EMC7: variants seen among roughly 807,000 people sequenced by gnomAD.
EMC7 encodes the protein endoplasmic reticulum membrane protein complex subunit 7.
Under a neutral mutation model 24.4 loss-of-function variants are expected in EMC7, and 4 were observed. The ratio of observed to expected loss-of-function variants is 0.16; its 90% CI spans 0.08 to 0.38. The LOEUF is 0.38. Ranked by LOEUF, EMC7 falls within the 10% of genes least tolerant of loss-of-function variation. EMC7 has a pLI of 1.00. For synonymous variants in EMC7, 106 were observed against 112.0 expected, an observed-to-expected ratio of 0.95 and a Z score of 0.34; for missense variants, 221 against 300.6, an observed-to-expected ratio of 0.74 and a Z score of 1.96.
At chr15:34,088,566 A>G (rs1050445816) in intron 3 of EMC7, among the ~76,000 whole-genome samples, 4 of 150,322 alleles carry the variant, frequency 2.7e-5, no homozygotes, top group Non-Finnish European at 4.4e-5. Context: ...TGGAAAACTG[A>G]CCTACTTTAG....
chr15:34,089,422 A>C (rs1027854054), intron 3 of EMC7, among the ~76,000 whole-genome samples: 4 of 152,344 alleles, frequency 2.6e-5, no homozygotes, highest in African/African-American at 7.2e-5. Context: ...TCATAAATGT[A>C]CATCTATTAG....
At chr15:34,101,550 G>A in intron 1 of EMC7, 54 bp downstream of exon 1, 1 of 1,570,296 alleles carries the variant, frequency 6.4e-7, no homozygotes, top group South Asian at 1.1e-5. Context: ...TCCTGGTGGG[G>A]TCCCTGTCCG....
chr15:34,090,422 C>T lies in EMC7; in HGVS notation c.390G>A (p.Glu130=). The T allele has an allele frequency of 6.2e-7, 1 of 1,613,694 alleles. No homozygotes were observed. The highest frequency in any genetic ancestry group is 8.5e-7 in the Non-Finnish European group (1 of 1,179,854). ...GGAGAGGATAGGGCAGTCTGACAAC[C>T]TCTGATGTTTTGATGTAATTCACAT... ...ARYVNYIKTS[E]VVRLPYPLQM... is the part of the protein sequence containing the mutation. Residue 130 remains glutamate (E), a synonymous_variant, in exon 3 of 5, where the codon GAG becomes GAA. Coordinates refer to ENST00000256545, the MANE Select transcript of EMC7 (RefSeq NM_020154.3).
At chr15:34,094,763 G>T (rs1037100050) in intron 2 of EMC7, among the ~76,000 whole-genome samples, 1 of 152,048 alleles carries the variant, frequency 6.6e-6, no homozygotes, top group African/African-American at 2.4e-5. Flanking sequence ...TAAAAGAAGA[G>T]AAAGAAATCA....
intron 4 of EMC7, among the ~76,000 whole-genome samples, chr15:34,084,812 C>T (rs7178266): frequency 0.66 from 100,192 of 150,942 alleles, 33,990 homozygotes; most frequent in South Asian, 0.78. Flanking sequence ...TTGTTACATA[C>T]GTACGCATGT....
rs770809700 is a variant in EMC7 at position 34,101,712 on chromosome 15, T to C, written c.128A>G (p.Asp43Gly). The C allele has an allele frequency of 1.9e-6, 3 of 1,613,066 alleles. No individual in the cohort carries two copies. The African/African-American group carries it at 4.0e-5, about 22-fold the overall frequency. ...TGCACGCCCCTCAATCTTGAAGCGA[T>C]CTCCTATGCCGACCCCACTCCCTCC... ...GSGGSGVGIG[D>G]RFKIEGRAVV... The change falls in exon 1 of 5, where the codon GAT becomes GGT. Residue 43 changes from aspartate to glycine, a missense_variant. Around this residue, in one of 2 missense-constraint regions of EMC7, gnomAD observed 156 missense variants for 177.1 expected, o/e 0.88. Transcript: ENST00000256545.
rs181169854 is a variant in EMC7 at position 34,098,984 on chromosome 15, G to A, written c.236+2620C>T. 3.9e-5 allele frequency among the ~76,000 whole-genome samples: 6 copies of A among 152,124 alleles called. No individual in the cohort carries two copies. The East Asian group carries it at 1.2e-3, about 29-fold the overall frequency. On this transcript the variant is annotated intron_variant, in intron 1 of 4. Coordinates refer to ENST00000256545, the MANE Select transcript of EMC7 (RefSeq NM_020154.3). ...ACTCTACAAAATGTAGGCCTTATTG[G>A]ATCCTGATTTGAAAGAACAATTATA...
intron 2 of EMC7, among the ~76,000 whole-genome samples, chr15:34,093,963 G>A (rs550632092): frequency 2.4e-4 from 36 of 149,382 alleles, no homozygotes; most frequent in Middle Eastern, 6.8e-3. Context: ...AGGCTGTAGC[G>A]GGCTATGATT....
Position 34,091,560 on chromosome 15 carries a change from G to A in EMC7, c.357-1105C>T, listed in dbSNP as rs187164126. 3.9e-5 allele frequency among the ~76,000 whole-genome samples: 6 copies of A among 152,340 alleles called. No individual in the cohort carries two copies. The East Asian group carries it at 9.6e-4, about 24-fold the overall frequency. On this transcript the variant is annotated intron_variant, in intron 2 of 4. Coordinates refer to ENST00000256545, the MANE Select transcript of EMC7 (RefSeq NM_020154.3). ...AAATTCATACCCCAACTTGTAATGA[G>A]TGTAGGAGCGTAACTATCAGTTTTC...
chr15:34,101,742 C>T lies in EMC7; in HGVS notation c.98G>A (p.Gly33Glu), dbSNP rs1214477290. The T allele has an allele frequency of 6.2e-7, 1 of 1,613,944 alleles. No homozygotes were observed. Among genetic ancestry groups the T allele is most frequent in the South Asian group, 1.1e-5 (1 of 91,070 alleles). ...TATGCCGACCCCACTCCCTCCCGATCCCTCAGCAGCAGCCCCGGGCACCTC... is the reference window on the plus strand; with the variant it reads ...TATGCCGACCCCACTCCCTCCCGATTCCTCAGCAGCAGCCCCGGGCACCTC... Reference protein sequence around the residue: ...SSEVPGAAAEGSGGSGVGIGD... With the variant: ...SSEVPGAAAEESGGSGVGIGD... Residue 33 changes from glycine (G) to glutamate (E), a missense_variant, in exon 1 of 5, where the codon GGA (glycine) becomes GAA (glutamate). Coordinates refer to ENST00000256545, the MANE Select transcript of EMC7 (RefSeq NM_020154.3).
At chr15:34,087,952 T>C in intron 4 of EMC7, 101 bp downstream of exon 4, 1 of 998,760 alleles carries the variant, frequency 1.0e-6, no homozygotes, top group Non-Finnish European at 1.5e-6. Flanking sequence ...GCCCAGGAGT[T>C]TGAGGCCACT....
chr15:34,091,597 T>G (rs976738548), intron 2 of EMC7, among the ~76,000 whole-genome samples: 1 of 152,142 alleles, frequency 6.6e-6, no homozygotes, highest in Non-Finnish European at 1.5e-5. Context: ...GGGGAGACTT[T>G]TTCCCCCAAA....
chr15:34,097,842 G>A (rs1901102112), intron 1 of EMC7, among the ~76,000 whole-genome samples: 2 of 151,924 alleles, frequency 1.3e-5, no homozygotes, highest in Non-Finnish European at 2.9e-5. Context: ...GGTGGCATGC[G>A]CGTGTAGTCC....
chr15:34,087,574 A>G (rs1183879728), intron 4 of EMC7, among the ~76,000 whole-genome samples: 1 of 152,198 alleles, frequency 6.6e-6, no homozygotes, highest in Non-Finnish European at 1.5e-5. Context: ...TTTGTAAAAT[A>G]TTTAGATTCA....
At chr15:34,098,449 C>A (rs201657234) in intron 1 of EMC7, among the ~76,000 whole-genome samples, 1 of 122,346 alleles carries the variant, frequency 8.2e-6, no homozygotes, top group Non-Finnish European at 1.6e-5. Context: ...GAACCAATTT[C>A]TTTCTTTCTT....
At chr15:34,092,293 A>ACACACACAC (rs1555523196) in intron 2 of EMC7, among the ~76,000 whole-genome samples, 1 of 151,652 alleles carries the variant, frequency 6.6e-6, no homozygotes, top group Non-Finnish European at 1.5e-5. Context: ...ACACACACAC[A>ACACACACAC]AAGAATTAGG....
chr15:34,094,052 T>C (rs2140870517), intron 2 of EMC7, among the ~76,000 whole-genome samples: 1 of 151,438 alleles, frequency 6.6e-6, no homozygotes, highest in East Asian at 1.9e-4. Context: ...GGGGGAAAAG[T>C]AATTTGTTTT....
intron 1 of EMC7, among the ~76,000 whole-genome samples, chr15:34,097,154 C>G (rs1383020023): frequency 6.6e-6 from 1 of 150,956 alleles, no homozygotes; most frequent in African/African-American, 2.4e-5. Context: ...CTTCCTCAGT[C>G]TCCCGAGTAG....
chr15:34,085,312 C>A (rs1379578976), intron 4 of EMC7, among the ~76,000 whole-genome samples: 5 of 152,018 alleles, frequency 3.3e-5, no homozygotes, highest in African/African-American at 1.2e-4. Flanking sequence ...ATTTGTCCTC[C>A]CCTTTAATTG....
Sources: gnomAD v4.1 joint callset for allele counts (sites outside exome capture counted in the v4.1 genomes callset) on GRCh38, gnomAD v4.1.1 for gene constraint, gnomAD v4.1.1 regional missense constraint, MANE v1.5 for transcripts, NCBI Gene and HGNC (gene_info 2026-07-23, HGNC 2026-07-21) for gene names.